COL8A1: variants seen among roughly 807,000 people sequenced by gnomAD.
COL8A1 encodes collagen type VIII alpha 1 chain, also known as collagen alpha-1(VIII) chain.
In COL8A1, 21 loss-of-function variants were observed where a neutral mutation model predicts 42.7. The observed-to-expected ratio is 0.49, with a 90% CI of 0.35 to 0.71. The LOEUF is 0.71. Ranked by LOEUF, COL8A1 falls within the 30% of genes least tolerant of loss-of-function variation. COL8A1 has a pLI of 0.01. For missense variants in COL8A1, 788 were observed against 962.4 expected (o/e 0.82, Z 2.40); for synonymous variants, 367 against 369.1 (o/e 0.99, Z 0.06).
At chr3:99,737,986 T>C (rs1576456921) in intron 1 of COL8A1, among the ~76,000 whole-genome samples, 2 of 152,144 alleles carry the variant, frequency 1.3e-5, no homozygotes, top group South Asian at 2.1e-4. Context: ...TCATCTTCCA[T>C]TGCTGATACC....
intron 1 of COL8A1, chr3:99,680,072 T>G (rs1938822395): frequency 1.3e-5 from 2 of 152,152 alleles, no homozygotes; most frequent in African/African-American, 4.8e-5. Context: ...TGTATACATG[T>G]GCCATGTTGG....
chr3:99,649,420 C>T (rs149237546), intron 1 of COL8A1, among the ~76,000 whole-genome samples: 104 of 152,106 alleles, frequency 6.8e-4, no homozygotes, highest in African/African-American at 2.3e-3. Context: ...AATAAGTTGA[C>T]GGTGAATAAA....
chr3:99,651,154 T>C (rs1326774332), intron 1 of COL8A1, among the ~76,000 whole-genome samples: 10 of 152,242 alleles, frequency 6.6e-5, no homozygotes, highest in Non-Finnish European at 8.8e-5. Flanking sequence ...TATCACTATA[T>C]AAACAAAATG....
intron 1 of COL8A1, among the ~76,000 whole-genome samples, chr3:99,723,445 G>A (rs535488675): frequency 2.0e-5 from 3 of 152,180 alleles, no homozygotes; most frequent in African/African-American, 7.2e-5. Flanking sequence ...AAGCAATATT[G>A]CCCCTTAAAA....
chr3:99,667,335 A>ACTTTTGTGTTGTGAGTGAT (rs1207604502), intron 1 of COL8A1, among the ~76,000 whole-genome samples: 3 of 152,164 alleles, frequency 2.0e-5, no homozygotes, highest in Non-Finnish European at 2.9e-5. Context: ...TTTTTGCAAC[A>ACTTTTGTGTTGTGAGTGAT]CTTTTGTGTT....
At chr3:99,766,024 C>A (rs1238727226) in intron 2 of COL8A1, among the ~76,000 whole-genome samples, 1 of 152,078 alleles carries the variant, frequency 6.6e-6, no homozygotes, top group Non-Finnish European at 1.5e-5. Context: ...CAATTTTGTT[C>A]ATAGATATGC....
At chr3:99,739,834 A>G (rs1940848272) in intron 1 of COL8A1, among the ~76,000 whole-genome samples, 1 of 152,164 alleles carries the variant, frequency 6.6e-6, no homozygotes. Flanking sequence ...CTGGCTCCTC[A>G]TTGCTTATGC....
At chr3:99,758,708 T>TAA (rs1463282057) in intron 2 of COL8A1, among the ~76,000 whole-genome samples, 1 of 152,170 alleles carries the variant, frequency 6.6e-6, no homozygotes, top group African/African-American at 2.4e-5. Flanking sequence ...GTGAGTAAGA[T>TAA]ACAAGTCGTC....
intron 2 of COL8A1, among the ~76,000 whole-genome samples, chr3:99,771,959 A>G (rs1244201613): frequency 2.0e-5 from 3 of 152,184 alleles, no homozygotes; most frequent in African/African-American, 7.2e-5. Context: ...TGAAGGAGTA[A>G]TCCAATGATA....
intron 1 of COL8A1, among the ~76,000 whole-genome samples, chr3:99,732,762 C>A (rs1319656294): frequency 6.6e-6 from 1 of 152,090 alleles, no homozygotes; most frequent in Non-Finnish European, 1.5e-5. Flanking sequence ...TTAACTCATT[C>A]CAGCAGTAAC....
At chr3:99,728,297 C>G (rs1297579545) in intron 1 of COL8A1, among the ~76,000 whole-genome samples, 1 of 152,116 alleles carries the variant, frequency 6.6e-6, no homozygotes, top group African/African-American at 2.4e-5. Context: ...AGCAAAGTCT[C>G]AGGATCTACC....
chr3:99,796,586 CTGTATT>C lies in COL8A1; in HGVS notation c.*454_*459del, dbSNP rs951521679. ...ACCGTATTTACTTGCTTAATTTCCT[CTGTATT>C]TGTGTAGATACTTTGACATGGAATA... is the stretch of plus-strand genomic sequence containing the variant. On this transcript the variant is annotated 3_prime_UTR_variant, in exon 4 of 4. Transcript: ENST00000652472. 3 of 153,592 alleles carry C rather than the reference CTGTATT, an allele frequency of 2.0e-5. No individual in the cohort carries two copies. The highest frequency in any genetic ancestry group is 7.2e-5 in the African/African-American group (3 of 41,456). 9.5% of individuals were successfully genotyped at this position (153,592 alleles called of 1,614,324 possible).
intron 1 of COL8A1, among the ~76,000 whole-genome samples, chr3:99,687,498 G>A (rs1479811540): frequency 1.3e-5 from 2 of 152,192 alleles, no homozygotes; most frequent in Non-Finnish European, 2.9e-5. Context: ...CACTCCATGC[G>A]ATGAGGTTGA....
intron 2 of COL8A1, among the ~76,000 whole-genome samples, chr3:99,771,742 A>C (rs907487643): frequency 2.6e-5 from 4 of 152,152 alleles, no homozygotes; most frequent in Non-Finnish European, 2.9e-5. Context: ...TAATGGACCA[A>C]AAGTGTAATA....
At chr3:99,720,276 G>C (rs1004844808) in intron 1 of COL8A1, among the ~76,000 whole-genome samples, 1 of 152,004 alleles carries the variant, frequency 6.6e-6, no homozygotes, top group South Asian at 2.1e-4. Context: ...AACTTTTTGC[G>C]CATTGGCTGA....
chr3:99,715,815 T>A (rs56274829), intron 1 of COL8A1, among the ~76,000 whole-genome samples: 1 of 151,968 alleles, frequency 6.6e-6, no homozygotes, highest in African/African-American at 2.4e-5. Flanking sequence ...CAAGTGGGAA[T>A]ACTAAAGTGG....
At chr3:99,726,007 T>A (rs188225464) in intron 1 of COL8A1, among the ~76,000 whole-genome samples, 2 of 152,310 alleles carry the variant, frequency 1.3e-5, no homozygotes, top group African/African-American at 4.8e-5. Flanking sequence ...TCCACAGTTG[T>A]TGAACTAGTT....
chr3:99,639,222 AGGTGGCT>A (rs1937455159), intron 1 of COL8A1, among the ~76,000 whole-genome samples: 3 of 152,236 alleles, frequency 2.0e-5, no homozygotes, highest in Non-Finnish European at 4.4e-5. Context: ...GTAAGTAATC[AGGTGGCT>A]GGTAGATAGG....
At chr3:99,701,606 T>A (rs562454306) in intron 1 of COL8A1, among the ~76,000 whole-genome samples, 2 of 152,332 alleles carry the variant, frequency 1.3e-5, no homozygotes, top group Admixed American at 1.3e-4. Context: ...CTCCTAATTT[T>A]GTCCTCTTGA....
Sources: gnomAD v4.1 joint callset for allele counts (sites outside exome capture counted in the v4.1 genomes callset) on GRCh38, gnomAD v4.1.1 for gene constraint, MANE v1.5 for transcripts, NCBI Gene and HGNC (gene_info 2026-07-23, HGNC 2026-07-21) for gene names.